The following COL4A2 variants were observed in gnomAD, a reference collection of about 807,000 sequenced individuals.
COL4A2 encodes collagen type IV alpha 2 chain.
In COL4A2, 99 loss-of-function variants were observed where a neutral mutation model predicts 200.2. The ratio of observed to expected loss-of-function variants is 0.49; its 90% confidence interval spans 0.42 to 0.58. The LOEUF (loss-of-function observed/expected upper bound fraction) is 0.58. Ranked by LOEUF, COL4A2 falls within the 20% of genes least tolerant of loss-of-function variation. The pLI is 0.00. For synonymous variants in COL4A2, 897 were observed against 900.6 expected (o/e 1.00, Z 0.07); for missense variants, 1,950 against 2,314.1 (o/e 0.84, Z 3.23).
chr13:110,490,206 A>G (rs1229575123), intron 36 of COL4A2, among the ~76,000 whole-genome samples: 1 of 152,224 alleles, frequency 6.6e-6, no homozygotes, highest in Non-Finnish European at 1.5e-5. Context: ...CTTGAGAGAG[A>G]TATGGAGGCA....
chr13:110,510,726 T>C (rs893986112), intron 47 of COL4A2, among the ~76,000 whole-genome samples: 2 of 152,248 alleles, frequency 1.3e-5, no homozygotes, highest in Non-Finnish European at 2.9e-5. Context: ...ACTCAGCTCT[T>C]ACCTGGCTGG....
intron 4 of COL4A2, among the ~76,000 whole-genome samples, chr13:110,385,413 G>T (rs1293078849): frequency 3.1e-5 from 3 of 97,662 alleles, no homozygotes; most frequent in Non-Finnish European, 6.9e-5. Context: ...TACAGTGTGT[G>T]GATAGACTGT....
intron 16 of COL4A2, among the ~76,000 whole-genome samples, chr13:110,443,183 T>A (rs1223876037): frequency 2.0e-5 from 3 of 152,212 alleles, no homozygotes; most frequent in Non-Finnish European, 4.4e-5. Context: ...CGCATCTCAT[T>A]TGCAGGCTGG....
intron 40 of COL4A2, among the ~76,000 whole-genome samples, chr13:110,498,127 T>C (rs975164008): frequency 6.6e-6 from 1 of 152,262 alleles, no homozygotes; most frequent in Non-Finnish European, 1.5e-5. Context: ...ACGTGCACCA[T>C]ATTTTCACCA....
intron 4 of COL4A2, among the ~76,000 whole-genome samples, chr13:110,388,730 A>G (rs1566507236): frequency 6.6e-6 from 1 of 152,220 alleles, no homozygotes; most frequent in East Asian, 1.9e-4. Flanking sequence ...AAATTTAAAT[A>G]TAGCTTGAGG....
At chr13:110,421,058 A>G (rs1322469745) in intron 4 of COL4A2, among the ~76,000 whole-genome samples, 1 of 152,204 alleles carries the variant, frequency 6.6e-6, no homozygotes, top group Non-Finnish European at 1.5e-5. Flanking sequence ...GACACTTACT[A>G]GAATGGCTAT....
At chr13:110,357,376 A>G (rs960791284) in intron 3 of COL4A2, 96 bp from the exon 4 acceptor site, 35 of 1,481,198 alleles carry the variant, frequency 2.4e-5, no homozygotes, top group Non-Finnish European at 3.1e-5. Context: ...AATCGTTTCT[A>G]GAGTTGGAAG....
chr13:110,375,762 G>A (rs1455221266), intron 4 of COL4A2, among the ~76,000 whole-genome samples: 5 of 151,918 alleles, frequency 3.3e-5, no homozygotes, highest in African/African-American at 7.3e-5. Flanking sequence ...CCCGGGAGTC[G>A]GAGGCTGCAG....
chr13:110,308,573 A>C lies in COL4A2; in HGVS notation c.99+450A>C, dbSNP rs144764721. On this transcript the variant is annotated intron_variant, in intron 3 of 47. Coordinates refer to ENST00000360467, the MANE Select transcript of COL4A2 (RefSeq NM_001846.4). The stretch of plus-strand genomic sequence containing the variant: ...TTTTTAAATGGGAGTCTCTGGGTAA[A>C]GGGGCGGGGCGAGGAGGCGAACGAG... Among the ~76,000 whole-genome samples, 183 of 152,218 alleles carry C rather than the reference A, an allele frequency of 1.2e-3. 5 individuals are homozygous for C. The East Asian group carries it at 0.026, about 22-fold the overall frequency.
At chr13:110,395,068 C>T (rs779302754) in intron 4 of COL4A2, among the ~76,000 whole-genome samples, 20 of 152,232 alleles carry the variant, frequency 1.3e-4, no homozygotes, top group Non-Finnish European at 2.6e-4. Context: ...AGCCACGGGT[C>T]CTCCACAGGG....
At chr13:110,324,160 T>C (rs2139354503) in intron 3 of COL4A2, among the ~76,000 whole-genome samples, 1 of 152,272 alleles carries the variant, frequency 6.6e-6, no homozygotes, top group South Asian at 2.1e-4. Flanking sequence ...ATCTGGCCAG[T>C]GAGCAGTCTA....
At chr13:110,354,324 A>T (rs1221567788) in intron 3 of COL4A2, among the ~76,000 whole-genome samples, 1 of 152,196 alleles carries the variant, frequency 6.6e-6, no homozygotes, top group African/African-American at 2.4e-5. Context: ...CAGCCCATCT[A>T]GTCTTGAGCT....
intron 4 of COL4A2, among the ~76,000 whole-genome samples, chr13:110,416,158 A>G (rs1017651919): frequency 6.6e-6 from 1 of 152,246 alleles, no homozygotes; most frequent in Non-Finnish European, 1.5e-5. Context: ...CCTCTTCATG[A>G]CATCCAGGCT....
intron 14 of COL4A2, among the ~76,000 whole-genome samples, chr13:110,438,381 G>A (rs1379661604): frequency 6.6e-6 from 1 of 152,198 alleles, no homozygotes; most frequent in Non-Finnish European, 1.5e-5. Context: ...GCTCTCCCTC[G>A]CGGTCGCTTA....
At chr13:110,426,991 ATC>A (rs1252373097) in intron 6 of COL4A2, among the ~76,000 whole-genome samples, 2 of 152,208 alleles carry the variant, frequency 1.3e-5, no homozygotes, top group African/African-American at 4.8e-5. Context: ...AGCCTGTTGG[ATC>A]TCTCATCTGA....
intron 11 of COL4A2, among the ~76,000 whole-genome samples, chr13:110,433,440 G>A (rs921731650): frequency 7.8e-6 from 1 of 127,962 alleles, no homozygotes; most frequent in Non-Finnish European, 1.6e-5. Flanking sequence ...TCAGGAGGCA[G>A]AGAGGGACTG....
At chr13:110,413,676 C>T (rs572073491) in intron 4 of COL4A2, among the ~76,000 whole-genome samples, 3 of 152,264 alleles carry the variant, frequency 2.0e-5, no homozygotes, top group African/African-American at 7.2e-5. Flanking sequence ...AAGGCTATGG[C>T]GGGGTGGCTC....
intron 4 of COL4A2, among the ~76,000 whole-genome samples, chr13:110,409,941 G>C (rs528497664): frequency 1.3e-5 from 2 of 151,984 alleles, no homozygotes; most frequent in East Asian, 3.9e-4. Context: ...CGGCCCACAC[G>C]TCCCGCCCGC....
At chr13:110,351,346 A>T (rs1257407978) in intron 3 of COL4A2, among the ~76,000 whole-genome samples, 1 of 152,102 alleles carries the variant, frequency 6.6e-6, no homozygotes, top group African/African-American at 2.4e-5. Context: ...AAGTGCTGGG[A>T]TTACAGGCAT....
Sources: gnomAD v4.1 joint callset for allele counts (sites outside exome capture counted in the v4.1 genomes callset) on GRCh38, gnomAD v4.1.1 for gene constraint, MANE v1.5 for transcripts, NCBI Gene and HGNC (gene_info 2026-07-23, HGNC 2026-07-21) for gene names.